The following CELSR1 variants were observed in gnomAD, a reference collection of about 807,000 sequenced individuals.
CELSR1 encodes adhesion G protein-coupled receptor C1.
A neutral mutation model predicts 249.1 loss-of-function variants in CELSR1; 110 were observed. The observed-to-expected ratio is 0.44, with a 90% CI of 0.38 to 0.52. The LOEUF (loss-of-function observed/expected upper bound fraction) is 0.52. CELSR1 is among the 20% of genes least tolerant of loss of function. The pLI, the probability that CELSR1 is intolerant of heterozygous loss-of-function variation, is 0.00. For synonymous variants in CELSR1, 2,113 were observed against 1,900.0 expected (o/e 1.11, Z -2.92); for missense variants, 4,109 against 4,296.4 (o/e 0.96, Z 1.22).
chr22:46,435,051 T>C (rs2079642084), intron 4 of CELSR1, among the ~76,000 whole-genome samples: 1 of 151,982 alleles, frequency 6.6e-6, no homozygotes, highest in African/African-American at 2.4e-5. Flanking sequence ...AACACAGATA[T>C]ACCTGTTGGC....
chr22:46,516,351 G>A (rs1005047610), intron 1 of CELSR1, among the ~76,000 whole-genome samples: 11 of 151,966 alleles, frequency 7.2e-5, no homozygotes, highest in South Asian at 4.1e-4. Context: ...GCAAACTATC[G>A]CAAGGACAAA....
chr22:46,513,444 A>T (rs144533779), intron 1 of CELSR1, among the ~76,000 whole-genome samples: 1 of 152,310 alleles, frequency 6.6e-6, no homozygotes, highest in East Asian at 1.9e-4. Context: ...ACACAAAAAC[A>T]TGTACACTAA....
rs530629253 is a variant in CELSR1, at chr22:46,385,869, G to A, written c.6739+533C>T. Among the ~76,000 whole-genome samples the A allele has an allele frequency of 8.6e-3, 1,301 of 151,806 alleles. 15 individuals are homozygous for A. Among genetic ancestry groups the A allele is most frequent in the African/African-American group, 0.03 (1,245 of 41,296 alleles). On this transcript the variant is annotated intron_variant, in intron 19 of 34. Coordinates refer to ENST00000674500, the MANE Select transcript of CELSR1 (RefSeq NM_001378328.1). ...CTTTTTTGTATTTTTAGTAGAGACG[G>A]GGTTTCACCATGTTAGCCAGGATGG...
chr22:46,410,331 T>C lies in CELSR1; in HGVS notation c.4933+67A>G. 1.9e-6 allele frequency: 3 copies of C among 1,574,806 alleles called. No homozygotes were observed. The highest frequency in any genetic ancestry group is 2.6e-6 in the Non-Finnish European group (3 of 1,149,492). ...CCAGGGATCTGCAAGCAGTGACCTC[T>C]GTGTGGCTGCCGACGTCCAGCCAGA... On this transcript the variant is annotated intron_variant, in intron 7 of 34. Transcript: ENST00000674500. This position sits in a 1 kb window ranked among gnomAD's most constrained non-coding sequence, Gnocchi z 6.8.
rs377503460 is a variant in CELSR1 at position 46,497,223 on chromosome 22, G to A, written c.3545-32878C>T. On this transcript the variant is annotated intron_variant, in intron 1 of 34. Coordinates refer to ENST00000674500, the MANE Select transcript of CELSR1 (RefSeq NM_001378328.1). ...TTCACTATAAGTATCCAGCAATCCT[G>A]CTGAAAGCACTTATTATTTAATCAT... 9.8e-5 allele frequency among the ~76,000 whole-genome samples: 15 copies of A among 152,318 alleles called. No homozygotes were observed. The South Asian group carries it at 3.1e-3, about 32-fold the overall frequency.
chr22:46,387,067 A>G (rs1445843036), intron 18 of CELSR1, among the ~76,000 whole-genome samples: 4 of 152,012 alleles, frequency 2.6e-5, no homozygotes, highest in African/African-American at 7.2e-5. Context: ...CTAGTTCCCA[A>G]ATATTTTTTC....
chr22:46,454,757 C>T lies in CELSR1; in HGVS notation c.4183+8950G>A, dbSNP rs1488227301. On this transcript the variant is annotated intron_variant, in intron 2 of 34. Coordinates refer to ENST00000674500, the MANE Select transcript of CELSR1 (RefSeq NM_001378328.1). The surrounding 1 kb of genome is among the most constrained non-coding windows in gnomAD (Gnocchi z 5.1). ...AAACCTGCCTCCCACCCTGGAGTGG[C>T]CCGTGGTCCTCGCAGACACGCGACA... Among the ~76,000 whole-genome samples, 20 of 152,388 alleles carry T rather than the reference C, an allele frequency of 1.3e-4. No individual in the cohort carries two copies.
rs2080844551 is a variant in CELSR1, at chr22:46,535,620, A to G, written c.1551T>C (p.Asp517=). ...CCTCGAAATCCAAGGGGTTGATCACATCCAGGATCCCGCTCAGCGAGTGCA... is the reference window on the plus strand; with the variant it reads ...CCTCGAAATCCAAGGGGTTGATCACGTCCAGGATCCCGCTCAGCGAGTGCA... ...FYLHSLSGIL[D]VINPLDFEDV... is the part of the protein sequence containing the mutation. Residue 517 remains aspartate (D), a synonymous_variant, in exon 1 of 35, where the codon GAT becomes GAC. Coordinates refer to ENST00000674500, the MANE Select transcript of CELSR1 (RefSeq NM_001378328.1). 1 of 1,613,230 alleles carries G rather than the reference A, an allele frequency of 6.2e-7. No individual in the cohort carries two copies. Among genetic ancestry groups the G allele is most frequent in the South Asian group, 1.1e-5 (1 of 91,080 alleles).
intron 4 of CELSR1, among the ~76,000 whole-genome samples, chr22:46,435,385 A>G (rs1222126180): frequency 6.7e-6 from 1 of 149,876 alleles, no homozygotes; most frequent in Non-Finnish European, 1.5e-5. Flanking sequence ...AGGTTCAAGC[A>G]ATTCTCCTGC....
In CELSR1 at chr22:46,464,452, A is replaced by G; in HGVS notation, c.3545-107T>C. Reference sequence around the variant, plus strand: ...AGGCATGCTTGGCAAAGGAGAAGAGAGCCTGGGCATCCCCACTCCCCATTC... The same window carrying G: ...AGGCATGCTTGGCAAAGGAGAAGAGGGCCTGGGCATCCCCACTCCCCATTC... On this transcript the variant is annotated intron_variant, in intron 1 of 34. Transcript: ENST00000674500. The surrounding 1 kb of genome is among the most constrained non-coding windows in gnomAD (Gnocchi z 8.5). The G allele has an allele frequency of 1.7e-6, 2 of 1,208,036 alleles. No individual in the cohort carries two copies. The highest frequency in any genetic ancestry group is 2.4e-5 in the East Asian group (1 of 41,212). The allele number at this position is 1,208,036 out of a possible 1,614,324, so 74.8% of individuals were successfully genotyped here. A position where few individuals can be genotyped will look rare whatever the true frequency, so the allele number is the denominator to read the frequency against.
intron 1 of CELSR1, among the ~76,000 whole-genome samples, chr22:46,515,992 C>G (rs921230516): frequency 1.5e-4 from 23 of 152,330 alleles, no homozygotes; most frequent in African/African-American, 5.3e-4. Context: ...AACAGGAACA[C>G]TTTTACACTG....
intron 1 of CELSR1, among the ~76,000 whole-genome samples, chr22:46,491,233 T>G (rs2080364237): frequency 6.7e-6 from 1 of 150,234 alleles, no homozygotes; most frequent in Non-Finnish European, 1.5e-5. Context: ...TGAGTGCCAC[T>G]ATACTAAAGA....
rs555237072 is a variant in CELSR1, at chr22:46,391,452, T to G, written c.6149-165A>C. Among the ~76,000 whole-genome samples, 12 of 146,734 alleles carry G rather than the reference T, an allele frequency of 8.2e-5. No individual in the cohort carries two copies. Among genetic ancestry groups the G allele is most frequent in the Non-Finnish European group, 1.3e-4 (9 of 67,304 alleles). On this transcript the variant is annotated intron_variant, in intron 15 of 34. Transcript: ENST00000674500. The surrounding 1 kb of genome is among the most constrained non-coding windows in gnomAD (Gnocchi z 4.3). ...CATCCATGTCAGAGCTGGAGAGGGG[T>G]GACCAGGCTCTGACCCACACCCCCT...
rs760982899 is a variant in CELSR1, at chr22:46,364,471, G to A, written c.8779+41C>T. On this transcript the variant is annotated intron_variant, in intron 33 of 34. Transcript: ENST00000674500. ...CCAGACCAGGGACTGGCCCTTCTGG[G>A]TCCTCCAGCCTTTCACTGCAGCCCC... 48 of 1,578,908 alleles carry A rather than the reference G, an allele frequency of 3.0e-5. No individual in the cohort carries two copies. The Admixed American group carries it at 5.3e-4, about 17-fold the overall frequency.
At chr22:46,414,934 G>A (rs116411571) in intron 5 of CELSR1, among the ~76,000 whole-genome samples, 10 of 152,114 alleles carry the variant, frequency 6.6e-5, no homozygotes, top group African/African-American at 1.9e-4. Context: ...CACCGGAATC[G>A]CAGCCACCGA....
chr22:46,435,422 C>T (rs1405890985), intron 4 of CELSR1, among the ~76,000 whole-genome samples: 3 of 151,568 alleles, frequency 2.0e-5, no homozygotes, highest in Non-Finnish European at 1.5e-5. Context: ...GCTGGGATTA[C>T]AGGCAAGTGC....
At chr22:46,384,964 G>A (rs1280866642) in intron 19 of CELSR1, among the ~76,000 whole-genome samples, 1 of 151,360 alleles carries the variant, frequency 6.6e-6, no homozygotes, top group African/African-American at 2.4e-5. Context: ...CTAATTTTTT[G>A]TATTTTTGGT....
chr22:46,462,645 C>CAAA (rs10541493), intron 2 of CELSR1: 5 of 164,860 alleles, frequency 3.0e-5, no homozygotes, highest in South Asian at 9.2e-5. Flanking sequence ...AGAGAGCTTT[C>CAAA]AAAAAAAAAA....
At position 46,536,415 on chromosome 22, in the gene CELSR1, C is replaced by T. The variant is rs765927676; in HGVS notation, c.756G>A (p.Val252=). ...CCGCCGGTTCGTTCTCAAACAACGC[C>T]ACCTGGTAGTTGGGCATCGGAAACT... The part of the protein sequence containing the change: ...SLKFPMPNYQ[V]ALFENEPAGT... The change falls in exon 1 of 35, where the codon GTG becomes GTA. Residue 252 remains valine (V), a synonymous_variant. Coordinates refer to ENST00000674500, the MANE Select transcript of CELSR1 (RefSeq NM_001378328.1). The T allele has an allele frequency of 3.0e-5, 49 of 1,612,310 alleles. No homozygotes were observed. In the African/African-American group the frequency reaches 3.2e-4, roughly 11 times the overall value.
Sources: allele counts gnomAD v4.1 joint callset (sites outside exome capture counted in the v4.1 genomes callset), GRCh38; gene constraint gnomAD v4.1.1; non-coding constraint Gnocchi (gnomAD v3.1); transcripts MANE v1.5; gene names NCBI Gene and HGNC (gene_info 2026-07-23, HGNC 2026-07-21).